The following ZNF704 variants were observed in gnomAD, a reference collection of about 807,000 sequenced individuals.
The protein encoded by ZNF704 is glucocorticoid induced gene 1.
In ZNF704, 10 loss-of-function variants were observed where a neutral mutation model predicts 44.7. The ratio of observed to expected loss-of-function variants is 0.22; its 90% CI spans 0.14 to 0.38. ZNF704 has a LOEUF of 0.38. Ranked by LOEUF, ZNF704 falls within the 10% of genes least tolerant of loss-of-function variation. ZNF704 has a pLI of 1.00. For missense variants in ZNF704, 390 were observed against 545.5 expected (o/e 0.71, Z 2.84); for synonymous variants, 211 against 207.6 (o/e 1.02, Z -0.14).
chr8:80,778,445 T>C (rs1807451809), intron 2 of ZNF704, among the ~76,000 whole-genome samples: 1 of 152,174 alleles, frequency 6.6e-6, no homozygotes, highest in African/African-American at 2.4e-5. Context: ...GAAAGCAGAA[T>C]GGCAATTCCT....
intron 2 of ZNF704, among the ~76,000 whole-genome samples, chr8:80,743,497 A>G: frequency 6.6e-6 from 1 of 152,232 alleles, no homozygotes; most frequent in East Asian, 1.9e-4. Context: ...TGTTGTCTGG[A>G]GAGAGAGAAT....
At chr8:80,849,412 A>G (rs1413141042) in intron 1 of ZNF704, among the ~76,000 whole-genome samples, 2 of 152,216 alleles carry the variant, frequency 1.3e-5, no homozygotes, top group Admixed American at 1.3e-4. Context: ...GCACAGCAAC[A>G]GAAAACATCC....
intron 2 of ZNF704, among the ~76,000 whole-genome samples, chr8:80,694,484 C>A (rs1284220635): frequency 5.3e-5 from 8 of 152,164 alleles, no homozygotes; most frequent in Admixed American, 5.2e-4. Flanking sequence ...GTTGAAGAAG[C>A]CCAACAGAGG....
At chr8:80,792,052 A>T (rs1338209142) in intron 2 of ZNF704, among the ~76,000 whole-genome samples, 1 of 152,214 alleles carries the variant, frequency 6.6e-6, no homozygotes, top group Non-Finnish European at 1.5e-5. Flanking sequence ...CTGGGGGCAC[A>T]TCTGATGTGG....
chr8:80,834,177 G>A (rs543557920), intron 1 of ZNF704, among the ~76,000 whole-genome samples: 1 of 150,668 alleles, frequency 6.6e-6, no homozygotes, highest in South Asian at 2.1e-4. Context: ...TGGGGTGGCC[G>A]AGCGAGACCC....
chr8:80,876,034 A>G (rs1325630948), upstream of ZNF704, among the ~76,000 whole-genome samples: 2 of 152,158 alleles, frequency 1.3e-5, no homozygotes, highest in Non-Finnish European at 2.9e-5. Flanking sequence ...TCTAAAATGC[A>G]TTTTGAATCC....
At chr8:80,713,419 T>G (rs372648031) in intron 2 of ZNF704, among the ~76,000 whole-genome samples, 9 of 152,376 alleles carry the variant, frequency 5.9e-5, no homozygotes, top group East Asian at 3.9e-4. Context: ...TTTATTCCTC[T>G]TAAATGTCAC....
intron 2 of ZNF704, among the ~76,000 whole-genome samples, chr8:80,792,132 G>A (rs146016361): frequency 2.0e-5 from 3 of 152,210 alleles, no homozygotes; most frequent in African/African-American, 4.8e-5. Context: ...TGGAAGGCTC[G>A]GCACCATGAA....
At chr8:80,751,000 C>T (rs919355465) in intron 2 of ZNF704, among the ~76,000 whole-genome samples, 4 of 152,088 alleles carry the variant, frequency 2.6e-5, no homozygotes, top group African/African-American at 7.2e-5. Flanking sequence ...TATTTATGAA[C>T]GAATCACTCT....
chr8:80,760,251 G>A (rs1455784627), intron 2 of ZNF704, among the ~76,000 whole-genome samples: 1 of 152,184 alleles, frequency 6.6e-6, no homozygotes, highest in Non-Finnish European at 1.5e-5. Flanking sequence ...ATGTACAGGT[G>A]TCTCCAAAAT....
At chr8:80,665,220 G>A in intron 5 of ZNF704, 138 bp from the exon 6 acceptor site, 1 of 906,636 alleles carries the variant, frequency 1.1e-6, no homozygotes, top group Non-Finnish European at 1.7e-6. Context: ...TTATCCTGCA[G>A]CACTCAGTTC....
upstream of ZNF704, among the ~76,000 whole-genome samples, chr8:80,876,663 G>A (rs141333785): frequency 1.3e-5 from 2 of 152,304 alleles, no homozygotes; most frequent in South Asian, 4.1e-4. Context: ...TCTGTGAAAT[G>A]GGGATCATAG....
chr8:80,715,378 G>A (rs187387123), intron 2 of ZNF704, among the ~76,000 whole-genome samples: 69 of 152,352 alleles, frequency 4.5e-4, no homozygotes, highest in African/African-American at 1.5e-3. Flanking sequence ...ACAAGCCTCA[G>A]AGCAGGTTCC....
rs568278499 is a variant in ZNF704 at position 80,655,714 on chromosome 8, C to T, written c.1032+3871G>A. Reference sequence around the variant, plus strand: ...GATGCTGTGCCCTTCTGTAAGTATGCAGGAGAAATTTCTTTTCTTGTAAGT... The same window carrying T: ...GATGCTGTGCCCTTCTGTAAGTATGTAGGAGAAATTTCTTTTCTTGTAAGT... On this transcript the variant is annotated intron_variant, in intron 7 of 8. Transcript: ENST00000327835. Among the ~76,000 whole-genome samples the T allele has an allele frequency of 2.1e-4, 32 of 152,198 alleles. No individual in the cohort carries two copies. The South Asian group carries it at 4.4e-3, about 21-fold the overall frequency.
chr8:80,737,028 A>G (rs1806679113), intron 2 of ZNF704, among the ~76,000 whole-genome samples: 1 of 152,144 alleles, frequency 6.6e-6, no homozygotes, highest in African/African-American at 2.4e-5. Flanking sequence ...GAGGACCAGA[A>G]TATCAGGGGA....
chr8:80,649,887 G>T (rs533788723), intron 7 of ZNF704, among the ~76,000 whole-genome samples: 2 of 152,194 alleles, frequency 1.3e-5, no homozygotes, highest in Non-Finnish European at 2.9e-5. Context: ...CATGACCCCC[G>T]AGTAGCCTAA....
intron 1 of ZNF704, among the ~76,000 whole-genome samples, chr8:80,835,889 G>T (rs1024437635): frequency 6.6e-6 from 1 of 152,140 alleles, no homozygotes; most frequent in African/African-American, 2.4e-5. Flanking sequence ...GAAATCCTAT[G>T]AATTTTATCT....
At chr8:80,810,460 T>C (rs1380385023) in intron 2 of ZNF704, among the ~76,000 whole-genome samples, 1 of 151,228 alleles carries the variant, frequency 6.6e-6, no homozygotes, top group Non-Finnish European at 1.5e-5. Flanking sequence ...AAGCAGTATG[T>C]ATTAATGAGC....
At chr8:80,753,200 C>G (rs1388152900) in intron 2 of ZNF704, among the ~76,000 whole-genome samples, 1 of 152,186 alleles carries the variant, frequency 6.6e-6, no homozygotes, top group African/African-American at 2.4e-5. Flanking sequence ...ATCTGCACGT[C>G]TTGGCTGGAG....
Sources: allele counts gnomAD v4.1 joint callset (sites outside exome capture counted in the v4.1 genomes callset), GRCh38; gene constraint gnomAD v4.1.1; transcripts MANE v1.5; gene names NCBI Gene and HGNC (gene_info 2026-07-23, HGNC 2026-07-21).